Variants in MAPK10 observed in about 807,000 individuals in gnomAD.
MAPK10 encodes JNK3 alpha protein kinase.
In MAPK10, 25 loss-of-function variants were observed where a neutral mutation model predicts 59.3. The observed-to-expected ratio is 0.42, with a 90% confidence interval of 0.31 to 0.59. The LOEUF (loss-of-function observed/expected upper bound fraction) is 0.59, where lower values mean the gene tolerates loss of function less well. MAPK10 is among the 20% of genes least tolerant of loss of function. MAPK10 has a pLI of 0.15. For missense variants in MAPK10, 351 were observed against 568.9 expected, an observed-to-expected ratio of 0.62 and a Z score of 3.90; for synonymous variants, 190 against 200.5, an observed-to-expected ratio of 0.95 and a Z score of 0.44.
intron 3 of MAPK10, among the ~76,000 whole-genome samples, chr4:86,171,740 AC>A (rs1323033721): frequency 6.6e-5 from 10 of 151,884 alleles, no homozygotes; most frequent in Admixed American, 2.0e-4. Flanking sequence ...ATCTAATTAA[AC>A]TAAAGAGCTT....
At chr4:86,584,332 A>G (rs917218682) in intron 1 of MAPK10, among the ~76,000 whole-genome samples, 1 of 152,208 alleles carries the variant, frequency 6.6e-6, no homozygotes, top group African/African-American at 2.4e-5. Flanking sequence ...AGTAAGTGAC[A>G]CTCAGGTATT....
chr4:86,130,666 G>A (rs1256143494), intron 4 of MAPK10, among the ~76,000 whole-genome samples: 1 of 152,144 alleles, frequency 6.6e-6, no homozygotes, highest in Non-Finnish European at 1.5e-5. Flanking sequence ...TGGTAAATGT[G>A]GTGGGAGCCA....
chr4:86,295,283 C>T (rs1034190525), intron 2 of MAPK10, among the ~76,000 whole-genome samples: 1 of 152,160 alleles, frequency 6.6e-6, no homozygotes, highest in Non-Finnish European at 1.5e-5. Flanking sequence ...TTACTTGCTC[C>T]CTCACCTCCT....
At chr4:86,393,702 T>C (rs1300593759) in intron 1 of MAPK10, among the ~76,000 whole-genome samples, 1 of 152,200 alleles carries the variant, frequency 6.6e-6, no homozygotes, top group Non-Finnish European at 1.5e-5. Flanking sequence ...ACTGTCACTA[T>C]ATCTGTGGGT....
intron 1 of MAPK10, among the ~76,000 whole-genome samples, chr4:86,544,403 T>C (rs1270791230): frequency 1.3e-5 from 2 of 152,226 alleles, no homozygotes; most frequent in Non-Finnish European, 2.9e-5. Context: ...ATCACAGATA[T>C]ATTGTAGTTA....
At chr4:86,477,901 G>A (rs1411669740) in intron 1 of MAPK10, among the ~76,000 whole-genome samples, 1 of 152,072 alleles carries the variant, frequency 6.6e-6, no homozygotes, top group Non-Finnish European at 1.5e-5. Context: ...CACTTGGACT[G>A]ACCCTGACAC....
intron 1 of MAPK10, among the ~76,000 whole-genome samples, chr4:86,420,157 A>AT (rs1294037399): frequency 6.6e-6 from 1 of 152,216 alleles, no homozygotes; most frequent in Non-Finnish European, 1.5e-5. Flanking sequence ...AAGGAGCTGC[A>AT]TATCACTTGA....
At chr4:86,315,688 T>C (rs879460720) in intron 2 of MAPK10, among the ~76,000 whole-genome samples, 4 of 152,294 alleles carry the variant, frequency 2.6e-5, no homozygotes, top group Non-Finnish European at 4.4e-5. Flanking sequence ...AGTTTTTGCC[T>C]GTTAATTTTA....
At chr4:86,585,732 G>GT (rs1578187285) in intron 1 of MAPK10, among the ~76,000 whole-genome samples, 1 of 152,052 alleles carries the variant, frequency 6.6e-6, no homozygotes. Flanking sequence ...TATGAATATC[G>GT]TAAGTCTGGG....
intron 1 of MAPK10, among the ~76,000 whole-genome samples, chr4:86,432,913 C>T (rs1479126392): frequency 6.6e-6 from 1 of 152,142 alleles, no homozygotes; most frequent in Non-Finnish European, 1.5e-5. Context: ...AAGAATAATC[C>T]TTAATTTGCA....
intron 2 of MAPK10, among the ~76,000 whole-genome samples, chr4:86,240,809 C>T (rs1249037360): frequency 2.0e-5 from 3 of 152,076 alleles, no homozygotes; most frequent in African/African-American, 7.3e-5. Flanking sequence ...CAGTCTGTAT[C>T]TTTTAATTGG....
Position 86,489,624 on chromosome 4 carries a change from T to C in MAPK10, c.-263+104286A>G, listed in dbSNP as rs145686003. Among the ~76,000 whole-genome samples, 52 of 152,304 alleles carry C rather than the reference T, an allele frequency of 3.4e-4. 1 individual carries two copies. The highest frequency in any genetic ancestry group is 1.2e-3 in the African/African-American group (50 of 41,576). On this transcript the variant is annotated intron_variant, in intron 1 of 4. Transcript: ENST00000502302. ...AAAAGGAAAAGGATTTCTCCTAAAG[T>C]AGTATTTTGAGAATTCATGGGTTTG...
At chr4:86,378,698 C>T (rs956909350) in intron 1 of MAPK10, among the ~76,000 whole-genome samples, 6 of 152,126 alleles carry the variant, frequency 3.9e-5, no homozygotes, top group East Asian at 1.9e-4. Context: ...TTCCACAAAG[C>T]GAAGATATCA....
intron 1 of MAPK10, among the ~76,000 whole-genome samples, chr4:86,408,846 T>C (rs1692190167): frequency 6.6e-6 from 1 of 152,228 alleles, no homozygotes; most frequent in Non-Finnish European, 1.5e-5. Flanking sequence ...TCCCATTCTG[T>C]AGGTTGCCTG....
At chr4:86,194,170 G>A in intron 3 of MAPK10, 166 bp downstream of exon 3, 3 of 614,360 alleles carry the variant, frequency 4.9e-6, no homozygotes, top group Non-Finnish European at 8.7e-6. Context: ...CTGGGAGCTG[G>A]AGACTGGGGC....
rs996772915 is a variant in MAPK10, at chr4:86,016,512, T to A, written c.*716A>T. 4 of 152,726 alleles carry A rather than the reference T, an allele frequency of 2.6e-5. No homozygotes were observed. Among genetic ancestry groups the A allele is most frequent in the African/African-American group, 9.6e-5 (4 of 41,464 alleles). 9.5% of individuals were successfully genotyped at this position (152,726 alleles called of 1,614,324 possible). ...AGGTGCCATTTAATCCATTCAAATT[T>A]GGAAGCTACATCTTCAAGGGTCTGA... On this transcript the variant is annotated 3_prime_UTR_variant, in exon 14 of 14. Coordinates refer to ENST00000641462, the MANE Select transcript of MAPK10 (RefSeq NM_138982.4).
At chr4:86,116,825 A>C (rs1363297014) in intron 4 of MAPK10, among the ~76,000 whole-genome samples, 1 of 152,250 alleles carries the variant, frequency 6.6e-6, no homozygotes, top group East Asian at 1.9e-4. Flanking sequence ...TAAAAGAGTT[A>C]ATAATGTATA....
intron 1 of MAPK10, among the ~76,000 whole-genome samples, chr4:86,537,246 A>G (rs963199899): frequency 6.6e-6 from 1 of 152,214 alleles, no homozygotes; most frequent in Non-Finnish European, 1.5e-5. Flanking sequence ...ACTAACAATA[A>G]TGAGATCCAG....
intron 2 of MAPK10, among the ~76,000 whole-genome samples, chr4:86,288,512 G>A (rs2095107578): frequency 1.3e-5 from 2 of 151,970 alleles, no homozygotes; most frequent in South Asian, 4.2e-4. Context: ...ATTGTATCCA[G>A]GACAAGGTAG....
Sources: gnomAD v4.1 joint callset for allele counts (sites outside exome capture counted in the v4.1 genomes callset) on GRCh38, gnomAD v4.1.1 for gene constraint, MANE v1.5 for transcripts, NCBI Gene and HGNC (gene_info 2026-07-23, HGNC 2026-07-21) for gene names.